ZBTB20: variants seen among roughly 807,000 people sequenced by gnomAD.
ZBTB20 encodes the protein zinc finger and BTB domain-containing protein 20.
A neutral mutation model predicts 56.9 loss-of-function variants in ZBTB20; 9 were observed. That is an observed-to-expected ratio of 0.16 (90% CI 0.10 to 0.28). ZBTB20 has a LOEUF of 0.28. ZBTB20 is among the 10% of genes least tolerant of loss of function. The pLI is 1.00. For synonymous variants in ZBTB20, 417 were observed against 420.7 expected (o/e 0.99, Z 0.11); for missense variants, 655 against 1,003.0 (o/e 0.65, Z 4.69).
rs564124245 is a variant in ZBTB20 at position 115,050,296 on chromosome 3, CTT to C, written c.-507+20921_-507+20922del. On this transcript the variant is annotated intron_variant, in intron 2 of 11. Transcript: ENST00000675478. ...TAAATTAAAATATTATTTTATATGA[CTT>C]TAGTTATAATTATGTATATGCTATG... Among the ~76,000 whole-genome samples the C allele has an allele frequency of 4.5e-3, 685 of 151,910 alleles. 3 individuals carry two copies. Among genetic ancestry groups the C allele is most frequent in the Non-Finnish European group, 7.7e-3 (522 of 67,844 alleles).
At chr3:114,576,867 TTA>T (rs2054127264) in intron 6 of ZBTB20, among the ~76,000 whole-genome samples, 1 of 151,912 alleles carries the variant, frequency 6.6e-6, no homozygotes, top group Non-Finnish European at 1.5e-5. Flanking sequence ...TAAAAAAGAT[TTA>T]TGAGATAGTA....
intron 5 of ZBTB20, among the ~76,000 whole-genome samples, chr3:114,757,870 T>G (rs1578735222): frequency 6.6e-6 from 1 of 152,126 alleles, no homozygotes; most frequent in East Asian, 1.9e-4. Context: ...CTGATTAATT[T>G]CTGTGTGATT....
chr3:114,978,941 T>C (rs1000716828), intron 2 of ZBTB20, among the ~76,000 whole-genome samples: 2 of 151,924 alleles, frequency 1.3e-5, no homozygotes, highest in African/African-American at 4.8e-5. Context: ...TGAAAATGTC[T>C]ATCTGTCATT....
At chr3:114,363,984 G>A (rs887588336) in intron 10 of ZBTB20, among the ~76,000 whole-genome samples, 1 of 151,964 alleles carries the variant, frequency 6.6e-6, no homozygotes, top group East Asian at 1.9e-4. Context: ...GCCTACTATT[G>A]AATACATAAC....
In ZBTB20 at chr3:114,327,907, T is replaced by C. The variant is rs1259656856; in HGVS notation, c.*11098A>G. The stretch of plus-strand genomic sequence containing the variant: ...CTGTGTTACGAAGTTGTTGTGAATG[T>C]GATATTATAAGCATCCTGAAAAGGA... On this transcript the variant is annotated 3_prime_UTR_variant, in exon 12 of 12. Transcript: ENST00000675478. The C allele has an allele frequency of 6.6e-6, 1 of 152,146 alleles. No individual in the cohort carries two copies. The allele number at this position is 152,146 out of a possible 1,614,324, so 9.4% of individuals were successfully genotyped here.
chr3:114,394,632 T>G (rs760501450), intron 7 of ZBTB20, among the ~76,000 whole-genome samples: 9 of 152,156 alleles, frequency 5.9e-5, no homozygotes, highest in Admixed American at 2.6e-4. Context: ...GGGGTGGAGC[T>G]TGTGATCCTG....
intron 6 of ZBTB20, among the ~76,000 whole-genome samples, chr3:114,520,533 T>A (rs1204698681): frequency 5.9e-5 from 9 of 152,004 alleles, no homozygotes; most frequent in Non-Finnish European, 1.2e-4. Context: ...TGAGTGGGAG[T>A]GGATTTAAGA....
chr3:114,886,163 G>C (rs1373989425), intron 4 of ZBTB20, among the ~76,000 whole-genome samples: 1 of 152,162 alleles, frequency 6.6e-6, no homozygotes, highest in African/African-American at 2.4e-5. Context: ...ATCAACTTGG[G>C]AGAAATAGAA....
chr3:114,934,895 G>A (rs1216926411), intron 3 of ZBTB20, among the ~76,000 whole-genome samples: 2 of 152,084 alleles, frequency 1.3e-5, no homozygotes, highest in African/African-American at 4.8e-5. Flanking sequence ...ATTTTCATAA[G>A]TAAAAATGCA....
intron 6 of ZBTB20, among the ~76,000 whole-genome samples, chr3:114,533,157 A>G (rs549815978): frequency 6.6e-6 from 1 of 152,268 alleles, no homozygotes; most frequent in South Asian, 2.1e-4. Flanking sequence ...AATTGACAGA[A>G]GTAGGCTTCA....
At chr3:114,649,610 CAT>C (rs780350074) in intron 6 of ZBTB20, among the ~76,000 whole-genome samples, 16 of 151,818 alleles carry the variant, frequency 1.1e-4, no homozygotes, top group Non-Finnish European at 1.9e-4. Flanking sequence ...AGAAATTCCA[CAT>C]GTGTCATAGG....
intron 2 of ZBTB20, among the ~76,000 whole-genome samples, chr3:114,975,408 T>C (rs2078056812): frequency 6.6e-6 from 1 of 152,146 alleles, no homozygotes; most frequent in South Asian, 2.1e-4. Flanking sequence ...TTATATAATC[T>C]AGTACATCTA....
intron 2 of ZBTB20, among the ~76,000 whole-genome samples, chr3:115,065,985 T>C (rs570290715): frequency 6.6e-6 from 1 of 152,182 alleles, no homozygotes; most frequent in South Asian, 2.1e-4. Context: ...GGAAAAAATG[T>C]CTCCAAGAAT....
At chr3:114,511,880 T>C (rs1451320002) in intron 6 of ZBTB20, among the ~76,000 whole-genome samples, 1 of 152,134 alleles carries the variant, frequency 6.6e-6, no homozygotes. Context: ...TTATTTATAC[T>C]GGTCAGAAAT....
intron 6 of ZBTB20, among the ~76,000 whole-genome samples, chr3:114,608,713 T>C (rs2057344698): frequency 6.6e-6 from 1 of 152,206 alleles, no homozygotes; most frequent in Admixed American, 6.5e-5. Context: ...CACCAACCTG[T>C]AATTCCCAAG....
At chr3:115,109,262 G>C (rs1045395988) in intron 1 of ZBTB20, among the ~76,000 whole-genome samples, 9 of 152,084 alleles carry the variant, frequency 5.9e-5, no homozygotes, top group African/African-American at 2.2e-4. Context: ...AAACTACAGA[G>C]TGCATTCTAT....
chr3:114,494,307 G>A (rs2043049340), intron 7 of ZBTB20, among the ~76,000 whole-genome samples: 1 of 152,104 alleles, frequency 6.6e-6, no homozygotes. Context: ...CTGAAAAGGG[G>A]CCCTTAGTTT....
chr3:114,972,256 T>G (rs2077915235), intron 3 of ZBTB20, among the ~76,000 whole-genome samples: 2 of 152,350 alleles, frequency 1.3e-5, no homozygotes, highest in South Asian at 4.1e-4. Context: ...GTATATATTG[T>G]GGGTCTTTTT....
intron 4 of ZBTB20, among the ~76,000 whole-genome samples, chr3:114,802,182 C>T (rs996031672): frequency 6.6e-6 from 1 of 151,708 alleles, no homozygotes; most frequent in South Asian, 2.1e-4. Context: ...CACTTTACAG[C>T]GTGGCAGAAT....
Sources: gnomAD v4.1 joint callset for allele counts (sites outside exome capture counted in the v4.1 genomes callset) on GRCh38, gnomAD v4.1.1 for gene constraint, MANE v1.5 for transcripts, NCBI Gene and HGNC (gene_info 2026-07-23, HGNC 2026-07-21) for gene names.